The following EXOC6B variants were observed in gnomAD, a reference collection of about 807,000 sequenced individuals.
The protein encoded by EXOC6B is exocyst complex component 6B.
Under a neutral mutation model 113.5 loss-of-function variants are expected in EXOC6B, and 54 were observed. The ratio of observed to expected loss-of-function variants is 0.48; its 90% confidence interval spans 0.38 to 0.60. The LOEUF (loss-of-function observed/expected upper bound fraction) is 0.60. Among genes scored for constraint, EXOC6B ranks in the 20% least tolerant of loss-of-function variants. The probability of loss-of-function intolerance (pLI) is 0.00; values close to 1 mark genes in which losing one functional copy is unlikely to be tolerated. For missense variants in EXOC6B, 797 were observed against 977.5 expected (o/e 0.82, Z 2.46); for synonymous variants, 357 against 339.0 (o/e 1.05, Z -0.58).
chr2:72,387,500 C>A (rs1013268876), intron 18 of EXOC6B, among the ~76,000 whole-genome samples: 7 of 151,974 alleles, frequency 4.6e-5, no homozygotes, highest in African/African-American at 1.7e-4. Context: ...AATTCAAATT[C>A]TTTATTACAA....
intron 6 of EXOC6B, among the ~76,000 whole-genome samples, chr2:72,682,000 T>TAAA (rs34379127): frequency 4.9e-5 from 7 of 142,268 alleles, no homozygotes; most frequent in African/African-American, 1.5e-4. Context: ...CAGAATCTCT[T>TAAA]AAAAAAAAAA....
intron 1 of EXOC6B, among the ~76,000 whole-genome samples, chr2:72,780,396 T>C (rs187133829): frequency 3.3e-5 from 5 of 152,344 alleles, no homozygotes; most frequent in East Asian, 1.9e-4. Context: ...AACCTGATTA[T>C]ACAAAGATTT....
chr2:72,316,184 G>A (rs1687501019), intron 20 of EXOC6B, among the ~76,000 whole-genome samples: 1 of 152,160 alleles, frequency 6.6e-6, no homozygotes, highest in Non-Finnish European at 1.5e-5. Context: ...GAATAAAAAG[G>A]CAATACCTGA....
chr2:72,583,375 C>T (rs1705346043), intron 6 of EXOC6B, among the ~76,000 whole-genome samples: 1 of 152,142 alleles, frequency 6.6e-6, no homozygotes, highest in Non-Finnish European at 1.5e-5. Context: ...AGATACTACA[C>T]AACATGAACA....
At chr2:72,677,404 T>C (rs574889950) in intron 6 of EXOC6B, among the ~76,000 whole-genome samples, 3 of 151,752 alleles carry the variant, frequency 2.0e-5, no homozygotes, top group Non-Finnish European at 2.9e-5. Context: ...AGGAAAAAGG[T>C]ATAATAAGTA....
intron 16 of EXOC6B, among the ~76,000 whole-genome samples, chr2:72,487,900 G>A (rs1221731665): frequency 2.0e-5 from 3 of 152,138 alleles, no homozygotes; most frequent in Non-Finnish European, 2.9e-5. Context: ...TCACTGTAAG[G>A]TTACTTTTTT....
chr2:72,548,532 C>T (rs1031668468), intron 8 of EXOC6B, among the ~76,000 whole-genome samples: 8 of 152,148 alleles, frequency 5.3e-5, no homozygotes, highest in African/African-American at 1.4e-4. Flanking sequence ...ATGATCCTTC[C>T]GTTGGACACC....
At chr2:72,536,536 G>C (rs1702301186) in intron 8 of EXOC6B, among the ~76,000 whole-genome samples, 1 of 152,004 alleles carries the variant, frequency 6.6e-6, no homozygotes, top group African/African-American at 2.4e-5. Flanking sequence ...ATACAAATTA[G>C]ATGTACATAT....
At chr2:72,343,490 C>T (rs1017833541) in intron 19 of EXOC6B, among the ~76,000 whole-genome samples, 1 of 152,096 alleles carries the variant, frequency 6.6e-6, no homozygotes, top group Admixed American at 6.6e-5. Context: ...TATAATTGCC[C>T]ATGTATGTAC....
At position 72,727,598 on chromosome 2, in the gene EXOC6B, G is replaced by A. The variant is rs1050320921; in HGVS notation, c.464+3409C>T. Among the ~76,000 whole-genome samples the A allele has an allele frequency of 5.3e-5, 8 of 152,086 alleles. 1 individual carries two copies. Among genetic ancestry groups the A allele is most frequent in the South Asian group, 2.1e-4 (1 of 4,816 alleles). ...TCAAAGCTAATGTCCATTCTCTATC[G>A]CACTGTGGTTGCATAGAAGAATGTC... On this transcript the variant is annotated intron_variant, in intron 5 of 21. Coordinates refer to ENST00000272427, the MANE Select transcript of EXOC6B (RefSeq NM_015189.3).
At chr2:72,619,470 T>C (rs1671615409) in intron 6 of EXOC6B, among the ~76,000 whole-genome samples, 1 of 152,046 alleles carries the variant, frequency 6.6e-6, no homozygotes, top group African/African-American at 2.4e-5. Flanking sequence ...GAGTAACTTA[T>C]AATACAGTAG....
intron 1 of EXOC6B, among the ~76,000 whole-genome samples, chr2:72,776,346 G>A (rs1424868584): frequency 6.6e-6 from 1 of 152,198 alleles, no homozygotes; most frequent in African/African-American, 2.4e-5. Context: ...GCCAGGAGAG[G>A]TGGCTCACGC....
intron 13 of EXOC6B, among the ~76,000 whole-genome samples, chr2:72,497,086 G>T (rs925803656): frequency 6.6e-6 from 1 of 151,128 alleles, no homozygotes; most frequent in African/African-American, 2.4e-5. Flanking sequence ...CAATCCTCCC[G>T]CCACAGCCTC....
chr2:72,279,074 T>C lies in EXOC6B; in HGVS notation c.2196+55873A>G, dbSNP rs1286679225. Among the ~76,000 whole-genome samples the C allele has an allele frequency of 2.6e-5, 4 of 152,204 alleles. No homozygotes were observed. In the East Asian group the frequency reaches 7.7e-4, roughly 29 times the overall value. ...CAGAATCAGAGCCATATTCAATTTG[T>C]AGGGCAAGTATACCAATAGTTGCTC... On this transcript the variant is annotated intron_variant, in intron 20 of 21. Coordinates refer to ENST00000272427, the MANE Select transcript of EXOC6B (RefSeq NM_015189.3).
chr2:72,693,790 C>T lies in EXOC6B; in HGVS notation c.669+24313G>A, dbSNP rs1677670978. ...ACCCATGAATTAGAAACCTGGTTTA[C>T]TTCCCTATTTATCTACTTACCTTCC... On this transcript the variant is annotated intron_variant, in intron 6 of 21. Transcript: ENST00000272427. Among the ~76,000 whole-genome samples the T allele has an allele frequency of 3.9e-5, 6 of 152,184 alleles. No homozygotes were observed. The South Asian group carries it at 1.2e-3, about 32-fold the overall frequency.
chr2:72,566,012 G>GT (rs532606461), intron 7 of EXOC6B, among the ~76,000 whole-genome samples: 2,886 of 143,660 alleles, frequency 0.02, 67 homozygotes, highest in African/African-American at 0.062. Context: ...GTTTTGTTTT[G>GT]TTTTTTTTTT....
rs1411186825 is a variant in EXOC6B, at chr2:72,825,793, G to A, written c.113+5C>T. The A allele has an allele frequency of 6.2e-7, 1 of 1,611,472 alleles. No homozygotes were observed. The highest frequency in any genetic ancestry group is 1.3e-5 in the African/African-American group (1 of 74,910). Reference sequence around the variant, plus strand: ...GCCCCTCTGTGGTCCCGGCACCCGGGGTACCTGAGCGTGGGCCCGATGCAG... The same window carrying A: ...GCCCCTCTGTGGTCCCGGCACCCGGAGTACCTGAGCGTGGGCCCGATGCAG... On this transcript the variant is annotated splice_donor_5th_base_variant and intron_variant, in intron 1 of 21. Transcript: ENST00000272427. This position sits in a 1 kb window ranked among gnomAD's most constrained non-coding sequence, Gnocchi z 4.4.
chr2:72,437,182 A>G (rs13424607), intron 18 of EXOC6B, among the ~76,000 whole-genome samples: 11,380 of 152,226 alleles, frequency 0.075, 501 homozygotes, highest in Non-Finnish European at 0.11. Context: ...GGAGTTTGCT[A>G]GAGGTCCCCT....
chr2:72,271,687 C>T (rs192715473), intron 20 of EXOC6B, among the ~76,000 whole-genome samples: 274 of 152,252 alleles, frequency 1.8e-3, no homozygotes, highest in Middle Eastern at 3.4e-3. Context: ...GAAAAACTCA[C>T]GTTTTCATCT....
Sources: allele counts gnomAD v4.1 joint callset (sites outside exome capture counted in the v4.1 genomes callset), GRCh38; gene constraint gnomAD v4.1.1; non-coding constraint Gnocchi (gnomAD v3.1); transcripts MANE v1.5; gene names NCBI Gene and HGNC (gene_info 2026-07-23, HGNC 2026-07-21).